Variants in CDK14 observed in about 807,000 individuals in gnomAD.
CDK14 encodes cyclin dependent kinase 14.
A neutral mutation model predicts 60.7 loss-of-function variants in CDK14; 34 were observed. The ratio of observed to expected loss-of-function variants is 0.56; its 90% CI spans 0.43 to 0.75. CDK14 has a LOEUF of 0.75. Among genes scored for constraint, CDK14 ranks in the 30% least tolerant of loss-of-function variants. The pLI is 0.00. For missense variants in CDK14, 482 were observed against 564.1 expected (o/e 0.85, Z 1.47); for synonymous variants, 197 against 203.7 (o/e 0.97, Z 0.28).
chr7:90,642,223 C>T (rs572589189), intron 2 of CDK14, among the ~76,000 whole-genome samples: 2 of 152,334 alleles, frequency 1.3e-5, no homozygotes, highest in East Asian at 3.9e-4. Flanking sequence ...TTTTAAGAGT[C>T]TGTGTTTACA....
At position 91,208,987 on chromosome 7, in the gene CDK14, G is replaced by T. The variant is rs117668282; in HGVS notation, c.*1851G>T. 8.5e-3 allele frequency: 1,303 copies of T among 152,606 alleles called. 13 individuals carry two copies. Among genetic ancestry groups the T allele is most frequent in the Non-Finnish European group, 0.01 (702 of 68,002 alleles). 9.5% of individuals were successfully genotyped at this position (152,606 alleles called of 1,614,324 possible). The stretch of plus-strand genomic sequence containing the variant: ...CACTGGAAGTCTTTAGAGGTATTTT[G>T]ATTTAAAGTATACTTAAATTAGGAT... On this transcript the variant is annotated 3_prime_UTR_variant, in exon 15 of 15. Transcript: ENST00000380050.
Position 90,747,687 on chromosome 7 carries a change from A to G in CDK14, c.376A>G (p.Ser126Gly). 3 of 1,591,384 alleles carry G rather than the reference A, an allele frequency of 1.9e-6. No homozygotes were observed. The highest frequency in any genetic ancestry group is 2.6e-6 in the Non-Finnish European group (3 of 1,169,750). The part of the protein sequence containing the change: ...RRHSSPSSPT[S>G]PKFGKADSYE... ...CCCTGTGCTTCATTTTTAGCCAACA[A>G]GTCCCAAATTTGGAAAAGCTGACTC... Residue 126 changes from serine to glycine, a missense_variant, in exon 4 of 15, where the codon AGT becomes GGT. By Grantham distance (56) the Ser-to-Gly change is moderately conservative. Transcript: ENST00000380050.
At chr7:90,980,429 A>G (rs1360680426) in intron 9 of CDK14, among the ~76,000 whole-genome samples, 1 of 152,164 alleles carries the variant, frequency 6.6e-6, no homozygotes, top group Non-Finnish European at 1.5e-5. Context: ...TTTTTTTCTC[A>G]GTAAACCATT....
At chr7:91,164,816 C>G (rs533372719) in intron 14 of CDK14, among the ~76,000 whole-genome samples, 3 of 152,120 alleles carry the variant, frequency 2.0e-5, no homozygotes, top group Admixed American at 2.0e-4. Context: ...CAAACTGTGA[C>G]GTACTGAAGA....
rs369302312 is a variant in CDK14 at position 91,073,825 on chromosome 7, G to GA, written c.1106-5596dup. Among the ~76,000 whole-genome samples the GA allele has an allele frequency of 1.9e-3, 259 of 137,456 alleles. 3 individuals carry two copies. Among genetic ancestry groups the GA allele is most frequent in the African/African-American group, 4.9e-3 (187 of 37,992 alleles). 90.2% of individuals were successfully genotyped at this position (137,456 alleles called of 152,430 possible). The stretch of plus-strand genomic sequence containing the variant: ...GGAAAATTTACCAAGCAAATGAAAA[G>GA]AAAAAAAAAAAGCAGAGGTTGCAGT... On this transcript the variant is annotated intron_variant, in intron 11 of 14. Coordinates refer to ENST00000380050, the MANE Select transcript of CDK14 (RefSeq NM_001287135.2).
At chr7:91,192,991 A>G (rs188700553) in intron 14 of CDK14, among the ~76,000 whole-genome samples, 1 of 152,082 alleles carries the variant, frequency 6.6e-6, no homozygotes, top group East Asian at 1.9e-4. Context: ...TATTTTGTTT[A>G]TTTTGGTTTT....
At chr7:90,791,114 CAT>C (rs1483752125) in intron 5 of CDK14, among the ~76,000 whole-genome samples, 7 of 152,136 alleles carry the variant, frequency 4.6e-5, no homozygotes, top group Admixed American at 2.6e-4. Flanking sequence ...AAGAAGATAA[CAT>C]AGACATTCTT....
chr7:90,948,833 C>A (rs1254305034), intron 8 of CDK14, among the ~76,000 whole-genome samples: 1 of 152,168 alleles, frequency 6.6e-6, no homozygotes, highest in Non-Finnish European at 1.5e-5. Context: ...AATAACAAAC[C>A]TAGATAGTGC....
intron 12 of CDK14, among the ~76,000 whole-genome samples, chr7:91,103,825 C>CGAGAGAGAGAGAGAGAGAAAGAGA (rs2116323022): frequency 8.1e-6 from 1 of 123,890 alleles, no homozygotes; most frequent in South Asian, 2.8e-4. Flanking sequence ...GCAAGGAGAC[C>CGAGAGAGAGAGAGAGAGAAAGAGA]GAGAGAGAGA....
intron 14 of CDK14, among the ~76,000 whole-genome samples, chr7:91,192,175 G>T (rs904220775): frequency 1.3e-5 from 2 of 152,172 alleles, no homozygotes; most frequent in African/African-American, 4.8e-5. Flanking sequence ...GGAGATAAAA[G>T]TGAGCAAGAA....
chr7:91,135,861 C>T (rs1405516259), intron 14 of CDK14, among the ~76,000 whole-genome samples: 1 of 152,104 alleles, frequency 6.6e-6, no homozygotes, highest in Non-Finnish European at 1.5e-5. Context: ...ACACAAAATA[C>T]TCTGAAGTTC....
At chr7:90,711,482 G>A (rs575228480) in intron 2 of CDK14, among the ~76,000 whole-genome samples, 1 of 149,692 alleles carries the variant, frequency 6.7e-6, no homozygotes, top group East Asian at 1.9e-4. Flanking sequence ...TGAGTTGTGA[G>A]GATTTTTTTT....
chr7:91,057,893 T>G (rs1207967809), intron 11 of CDK14, among the ~76,000 whole-genome samples: 1 of 152,162 alleles, frequency 6.6e-6, no homozygotes, highest in African/African-American at 2.4e-5. Context: ...ATGAGGGCTC[T>G]TTTTTGGTTC....
chr7:91,189,326 G>C (rs1334665173), intron 14 of CDK14, among the ~76,000 whole-genome samples: 2 of 152,088 alleles, frequency 1.3e-5, no homozygotes, highest in Non-Finnish European at 1.5e-5. Flanking sequence ...ATCACATTTA[G>C]TGTGTGTGTT....
chr7:90,637,050 G>T (rs887589582), intron 2 of CDK14, among the ~76,000 whole-genome samples: 1 of 151,926 alleles, frequency 6.6e-6, no homozygotes, highest in African/African-American at 2.4e-5. Context: ...CCTTGCTAGC[G>T]GTCTATCAAT....
intron 4 of CDK14, among the ~76,000 whole-genome samples, chr7:90,783,560 A>G (rs1805434976): frequency 1.3e-5 from 2 of 152,200 alleles, no homozygotes. Flanking sequence ...ACTCAAACAA[A>G]TAGCAAAAAC....
intron 2 of CDK14, among the ~76,000 whole-genome samples, chr7:90,697,440 C>T (rs1282193737): frequency 6.6e-6 from 1 of 152,116 alleles, no homozygotes; most frequent in Non-Finnish European, 1.5e-5. Flanking sequence ...AAGCAGTTCT[C>T]CTGCCTTGGC....
chr7:91,143,729 G>A (rs1800536967), intron 14 of CDK14, among the ~76,000 whole-genome samples: 3 of 152,034 alleles, frequency 2.0e-5, no homozygotes, highest in South Asian at 4.2e-4. Flanking sequence ...AATAATAATA[G>A]TAATAGTGAG....
chr7:91,163,191 T>G (rs1458939620), intron 14 of CDK14, among the ~76,000 whole-genome samples: 1 of 152,232 alleles, frequency 6.6e-6, no homozygotes, highest in Non-Finnish European at 1.5e-5. Flanking sequence ...AAGAAGATCT[T>G]CTTGCTGGAT....
Sources: allele counts gnomAD v4.1 joint callset (sites outside exome capture counted in the v4.1 genomes callset), GRCh38; gene constraint gnomAD v4.1.1; transcripts MANE v1.5; gene names NCBI Gene and HGNC (gene_info 2026-07-23, HGNC 2026-07-21).